The following CASK variants were observed in gnomAD, a reference collection of about 807,000 sequenced individuals.
The protein encoded by CASK is peripheral plasma membrane protein CASK.
Under a neutral mutation model 82.9 loss-of-function variants are expected in CASK, and 4 were observed. That is an observed-to-expected ratio of 0.05 (90% CI 0.02 to 0.11). The LOEUF is 0.11. Among genes scored for constraint, CASK ranks in the 10% least tolerant of loss-of-function variants. The probability of loss-of-function intolerance (pLI) is 1.00; values close to 1 mark genes in which losing one functional copy is unlikely to be tolerated. For missense variants in CASK, 358 were observed against 720.9 expected (o/e 0.50, Z 5.76); for synonymous variants, 259 against 253.5 (o/e 1.02, Z -0.20).
chrX:41,524,189 ATAACT>A (rs1187618373), intron 25 of CASK, 155 bp from the exon 26 acceptor site: 64 of 457,719 alleles, frequency 1.4e-4, no homozygotes, highest in African/African-American at 1.2e-3. Flanking sequence ...AACTTTATAC[ATAACT>A]TATATTACTT....
intron 24 of CASK, among the ~76,000 whole-genome samples, chrX:41,534,384 T>A (rs1289914260): frequency 1.1e-4 from 9 of 83,659 alleles, no homozygotes; most frequent in Non-Finnish European, 1.8e-4. Context: ...AAAACTAATT[T>A]TATTTAAAAC....
chrX:41,880,603 C>T (rs981383893), intron 1 of CASK, among the ~76,000 whole-genome samples: 8 of 111,768 alleles, frequency 7.2e-5, no homozygotes, highest in African/African-American at 9.7e-5. Context: ...CACACTTAAA[C>T]CTTCTCTTCA....
chrX:41,851,712 G>T (rs2071270023), intron 2 of CASK, among the ~76,000 whole-genome samples: 1 of 112,050 alleles, frequency 8.9e-6, no homozygotes, highest in Non-Finnish European at 1.9e-5. Context: ...CAATGCTTAA[G>T]AGAATTTGGC....
intron 1 of CASK, among the ~76,000 whole-genome samples, chrX:41,906,527 C>A (rs1009992586): frequency 9.8e-5 from 11 of 112,545 alleles, no homozygotes; most frequent in Non-Finnish European, 1.9e-4. Flanking sequence ...GCAGTTGCTA[C>A]TCTGGAAGTA....
intron 15 of CASK, among the ~76,000 whole-genome samples, chrX:41,576,033 G>A (rs191101291): frequency 3.7e-5 from 4 of 108,301 alleles, no homozygotes; most frequent in African/African-American, 1.3e-4. Flanking sequence ...GGAGTGCAGT[G>A]GCGCGATCTC....
chrX:41,650,732 C>G (rs945844104), intron 8 of CASK, among the ~76,000 whole-genome samples: 13 of 109,985 alleles, frequency 1.2e-4, no homozygotes, highest in Non-Finnish European at 2.5e-4. Flanking sequence ...ACTATAGGCT[C>G]AAGCCACTGC....
At chrX:41,846,667 T>C (rs1228643817) in intron 2 of CASK, among the ~76,000 whole-genome samples, 2 of 111,974 alleles carry the variant, frequency 1.8e-5, no homozygotes, top group Non-Finnish European at 3.8e-5. Flanking sequence ...TATCCTGATG[T>C]GATTGCATGC....
intron 5 of CASK, among the ~76,000 whole-genome samples, chrX:41,677,318 T>C (rs2067284152): frequency 1.8e-5 from 2 of 111,110 alleles, no homozygotes; most frequent in Admixed American, 9.6e-5. Flanking sequence ...TAGGAAATCA[T>C]AGAGAAGAGT....
chrX:41,676,519 C>T (rs1318925839), intron 5 of CASK: 1 of 1,166,848 alleles, frequency 8.6e-7, no homozygotes, highest in African/African-American at 1.8e-5. Flanking sequence ...GCAGTGGGCT[C>T]CCCTCGCGCC....
rs761370254 is a variant in CASK at position 41,695,864 on chromosome X, T to C, written c.430-24334A>G. 5 of 1,207,815 alleles carry C rather than the reference T, an allele frequency of 4.1e-6. No individual in the cohort carries two copies. In the East Asian group the frequency reaches 8.9e-5, roughly 21 times the overall value. On this transcript the variant is annotated intron_variant, in intron 5 of 26. Transcript: ENST00000378163. Reference sequence around the variant, plus strand: ...TGGTTGGGAACATAATCGCCCTCTATGTATTTCTGGGTATTCACCGTAAAA... The same window carrying C: ...TGGTTGGGAACATAATCGCCCTCTACGTATTTCTGGGTATTCACCGTAAAA...
chrX:41,561,750 G>T, intron 16 of CASK, 106 bp from the exon 17 acceptor site: 1 of 592,876 alleles, frequency 1.7e-6, no homozygotes. Context: ...AATATTGAGG[G>T]CCAATATTTC....
At chrX:41,906,746 TAAAAC>T (rs766963557) in intron 1 of CASK, among the ~76,000 whole-genome samples, 4 of 112,874 alleles carry the variant, frequency 3.5e-5, no homozygotes, top group Non-Finnish European at 7.5e-5. Context: ...TTCAGGTAGA[TAAAAC>T]AGAAATGAGG....
chrX:41,894,298 T>C (rs1332329104), intron 1 of CASK, among the ~76,000 whole-genome samples: 2 of 110,649 alleles, frequency 1.8e-5, no homozygotes, highest in African/African-American at 6.6e-5. Context: ...AAGTTGACAG[T>C]AGAAAAAAAT....
rs576216312 is a variant in CASK at position 41,578,191 on chromosome X, G to C, written c.1503+149C>G. 2.7e-5 allele frequency: 12 copies of C among 442,273 alleles called. No individual in the cohort carries two copies. The Admixed American group carries it at 4.8e-4, about 18-fold the overall frequency. The allele number at this position is 442,273 out of a possible 1,213,427, so 36.4% of individuals were successfully genotyped here. A position where few individuals can be genotyped will look rare whatever the true frequency, so the allele number is the denominator to read the frequency against. On this transcript the variant is annotated intron_variant, in intron 15 of 26. Transcript: ENST00000378163. ...GAACAATTCTAGAAAAGAAGGGCAG[G>C]GGGGAACTGAAGATCTGGAAACTGA...
intron 6 of CASK, among the ~76,000 whole-genome samples, chrX:41,669,926 G>C (rs947620149): frequency 4.5e-5 from 5 of 111,756 alleles, no homozygotes; most frequent in Non-Finnish European, 9.4e-5. Context: ...TAAGACCTAG[G>C]GGGACATGGT....
In CASK at chrX:41,577,683, C is replaced by T. The variant is rs188134577; in HGVS notation, c.1503+657G>A. On this transcript the variant is annotated intron_variant, in intron 15 of 26. Transcript: ENST00000378163. The stretch of plus-strand genomic sequence containing the variant: ...ATTTGGTTTGCTGAATAGTATTCCC[C>T]TGCTTCCCCTCACTCCCCTTGCTCT... Among the ~76,000 whole-genome samples, 23 of 111,125 alleles carry T rather than the reference C, an allele frequency of 2.1e-4. No individual in the cohort carries two copies. In the East Asian group the frequency reaches 6.2e-3, roughly 30 times the overall value.
At chrX:41,600,476 A>T (rs7051022) in intron 12 of CASK, among the ~76,000 whole-genome samples, 2,844 of 112,491 alleles carry the variant, frequency 0.025, 96 homozygotes, top group African/African-American at 0.087. Context: ...TATTGTACTT[A>T]GAAGGCTTTC....
intron 2 of CASK, among the ~76,000 whole-genome samples, chrX:41,830,232 G>A (rs756209237): frequency 1.9e-4 from 21 of 109,416 alleles, no homozygotes; most frequent in African/African-American, 6.0e-4. Context: ...ACTCCTGGAC[G>A]CAAATGATCC....
chrX:41,744,626 G>A (rs1350049017), intron 4 of CASK, among the ~76,000 whole-genome samples: 1 of 111,486 alleles, frequency 9.0e-6, no homozygotes, highest in Non-Finnish European at 1.9e-5. Flanking sequence ...TTACAGGCAT[G>A]AGCCACCGCG....
Sources: allele counts gnomAD v4.1 joint callset (sites outside exome capture counted in the v4.1 genomes callset), GRCh38; gene constraint gnomAD v4.1.1; transcripts MANE v1.5; gene names NCBI Gene and HGNC (gene_info 2026-07-23, HGNC 2026-07-21).